Variants in PALLD observed in about 807,000 individuals in gnomAD.
PALLD encodes palladin.
Under a neutral mutation model 123.5 loss-of-function variants are expected in PALLD, and 61 were observed. That is an observed-to-expected ratio of 0.49 (90% CI 0.40 to 0.61). The LOEUF (loss-of-function observed/expected upper bound fraction) is 0.61, where lower values mean the gene tolerates loss of function less well. PALLD is among the 20% of genes least tolerant of loss of function. The pLI, the probability that PALLD is intolerant of heterozygous loss-of-function variation, is 0.00. For synonymous variants in PALLD, 465 were observed against 496.4 expected (o/e 0.94, Z 0.84); for missense variants, 1,273 against 1,377.0 (o/e 0.92, Z 1.20).
intron 2 of PALLD, among the ~76,000 whole-genome samples, chr4:168,523,387 T>C (rs1271882033): frequency 6.6e-6 from 1 of 152,084 alleles, no homozygotes; most frequent in Non-Finnish European, 1.5e-5. Context: ...TATATAGACA[T>C]TACAGACCAA....
intron 2 of PALLD, among the ~76,000 whole-genome samples, chr4:168,662,942 A>G (rs1779263389): frequency 6.6e-6 from 1 of 152,216 alleles, no homozygotes; most frequent in African/African-American, 2.4e-5. Flanking sequence ...CTTTTCTCAT[A>G]TATGCACTAA....
chr4:168,621,999 T>C (rs1259090481), intron 2 of PALLD, among the ~76,000 whole-genome samples: 2 of 152,222 alleles, frequency 1.3e-5, no homozygotes, highest in Non-Finnish European at 2.9e-5. Context: ...AGCCAAGCTT[T>C]CATTGTAAAC....
chr4:168,615,298 C>T (rs1043753503), intron 2 of PALLD, among the ~76,000 whole-genome samples: 13 of 152,168 alleles, frequency 8.5e-5, no homozygotes, highest in Non-Finnish European at 1.5e-5. Flanking sequence ...ATTTTTGTAA[C>T]AGCTACATTG....
chr4:168,754,982 C>T (rs1042505572), intron 10 of PALLD, among the ~76,000 whole-genome samples: 1 of 152,114 alleles, frequency 6.6e-6, no homozygotes, highest in Non-Finnish European at 1.5e-5. Flanking sequence ...TCTGTAATCC[C>T]AGCACTTCGG....
chr4:168,827,231 T>A (rs1035322718), intron 10 of PALLD, among the ~76,000 whole-genome samples: 1 of 152,248 alleles, frequency 6.6e-6, no homozygotes, highest in African/African-American at 2.4e-5. Context: ...ATAGGATAGA[T>A]GAATTTGTTT....
At chr4:168,748,885 A>G (rs1470736006) in intron 10 of PALLD, among the ~76,000 whole-genome samples, 1 of 152,188 alleles carries the variant, frequency 6.6e-6, no homozygotes, top group Non-Finnish European at 1.5e-5. Flanking sequence ...GGCCAGCAGG[A>G]GTCTCTCTCT....
intron 2 of PALLD, among the ~76,000 whole-genome samples, chr4:168,515,234 C>T (rs922102167): frequency 2.0e-5 from 3 of 152,148 alleles, no homozygotes; most frequent in Non-Finnish European, 4.4e-5. Context: ...ACATTGAGCT[C>T]TTTTGACCAC....
intron 8 of PALLD, among the ~76,000 whole-genome samples, chr4:168,696,610 A>G: frequency 6.6e-6 from 1 of 152,160 alleles, no homozygotes; most frequent in East Asian, 1.9e-4. Context: ...AAAATGTAAA[A>G]CAAAAACAAA....
chr4:168,554,947 C>A (rs937755837), intron 2 of PALLD, among the ~76,000 whole-genome samples: 2 of 152,010 alleles, frequency 1.3e-5, no homozygotes, highest in African/African-American at 4.8e-5. Context: ...AACACTGGAA[C>A]AAAATACATT....
Position 168,926,606 on chromosome 4 carries a change from C to A in PALLD, c.*426C>A. 1 of 446,882 alleles carries A rather than the reference C, an allele frequency of 2.2e-6. No individual in the cohort carries two copies. The highest frequency in any genetic ancestry group is 4.0e-6 in the Non-Finnish European group (1 of 251,272). 27.7% of individuals were successfully genotyped at this position (446,882 alleles called of 1,614,324 possible). Reference sequence around the variant, plus strand: ...TGCACAGAAAATACACATTTACTGTCCAATTTAAAACTTTGGAATTGCTGT... The same window carrying A: ...TGCACAGAAAATACACATTTACTGTACAATTTAAAACTTTGGAATTGCTGT... On this transcript the variant is annotated 3_prime_UTR_variant, in exon 22 of 22. Coordinates refer to ENST00000505667, the MANE Select transcript of PALLD (RefSeq NM_001166108.2).
At chr4:168,604,847 G>A (rs114811141) in intron 2 of PALLD, among the ~76,000 whole-genome samples, 3,686 of 152,288 alleles carry the variant, frequency 0.024, 63 homozygotes, top group Non-Finnish European at 0.036. Context: ...TAGAGGGTAA[G>A]AAACAAAGTT....
intron 2 of PALLD, among the ~76,000 whole-genome samples, chr4:168,515,438 T>C (rs1021602567): frequency 6.6e-6 from 1 of 152,112 alleles, no homozygotes; most frequent in African/African-American, 2.4e-5. Flanking sequence ...ACAGAAGCAG[T>C]TGACAGACGT....
intron 10 of PALLD, among the ~76,000 whole-genome samples, chr4:168,829,868 G>A (rs1743947253): frequency 6.6e-6 from 1 of 152,190 alleles, no homozygotes; most frequent in African/African-American, 2.4e-5. Context: ...TCTCAAAAAT[G>A]CAAGAGATGA....
chr4:168,586,251 C>A (rs1463207149), intron 2 of PALLD, among the ~76,000 whole-genome samples: 1 of 151,762 alleles, frequency 6.6e-6, no homozygotes, highest in African/African-American at 2.4e-5. Context: ...CTCTTCACCC[C>A]TTGATTCCAG....
At chr4:168,623,858 G>T (rs1030100710) in intron 2 of PALLD, among the ~76,000 whole-genome samples, 1 of 152,090 alleles carries the variant, frequency 6.6e-6, no homozygotes, top group African/African-American at 2.4e-5. Flanking sequence ...TGTAAAGCAG[G>T]AATTACAGAA....
chr4:168,617,717 G>C (rs914277732), intron 2 of PALLD, among the ~76,000 whole-genome samples: 10 of 152,136 alleles, frequency 6.6e-5, no homozygotes, highest in African/African-American at 2.4e-4. Context: ...AGGAGACTTA[G>C]AAAACCAACC....
At chr4:168,705,839 C>G (rs147347669) in intron 8 of PALLD, among the ~76,000 whole-genome samples, 2,790 of 152,166 alleles carry the variant, frequency 0.018, 88 homozygotes, top group South Asian at 0.14. Flanking sequence ...GATGGGGTTT[C>G]ACCATGTTGC....
intron 2 of PALLD, among the ~76,000 whole-genome samples, chr4:168,667,619 A>G (rs2150010146): frequency 6.6e-6 from 1 of 152,336 alleles, no homozygotes; most frequent in East Asian, 1.9e-4. Flanking sequence ...CACAACTGCT[A>G]TATCTCTCCA....
intron 10 of PALLD, among the ~76,000 whole-genome samples, chr4:168,736,989 T>C (rs1347919338): frequency 6.6e-6 from 1 of 152,216 alleles, no homozygotes; most frequent in Non-Finnish European, 1.5e-5. Context: ...AGAAGATTTA[T>C]ATGTGTGTGT....
Sources: gnomAD v4.1 joint callset for allele counts (sites outside exome capture counted in the v4.1 genomes callset) on GRCh38, gnomAD v4.1.1 for gene constraint, MANE v1.5 for transcripts, NCBI Gene and HGNC (gene_info 2026-07-23, HGNC 2026-07-21) for gene names.